EPYC: variants seen among roughly 807,000 people sequenced by gnomAD.
The protein encoded by EPYC is dermatan sulfate proteoglycan 3.
Under a neutral mutation model 30.1 loss-of-function variants are expected in EPYC, and 28 were observed. The observed-to-expected ratio is 0.93, with a 90% CI of 0.69 to 1.28. EPYC has a LOEUF of 1.28. Ranked by LOEUF, EPYC falls within the 50% of genes most tolerant of loss-of-function variation. EPYC has a pLI of 0.00. For synonymous variants in EPYC, 144 were observed against 141.4 expected (o/e 1.02, Z -0.13); for missense variants, 382 against 383.5 (o/e 1.00, Z 0.03).
chr12:90,995,010 T>G (rs1478070092), intron 2 of EPYC, among the ~76,000 whole-genome samples: 1 of 152,086 alleles, frequency 6.6e-6, no homozygotes, highest in East Asian at 1.9e-4. Flanking sequence ...TTGGCCTGAG[T>G]TACTAAAGAT....
chr12:90,992,175 G>A (rs1171863904), intron 2 of EPYC, among the ~76,000 whole-genome samples: 1 of 152,152 alleles, frequency 6.6e-6, no homozygotes, highest in Non-Finnish European at 1.5e-5. Context: ...TCCCCTGAAT[G>A]CACAGTTCAC....
chr12:90,979,218 A>T (rs1246783631), intron 2 of EPYC, among the ~76,000 whole-genome samples: 1 of 152,028 alleles, frequency 6.6e-6, no homozygotes, highest in African/African-American at 2.4e-5. Flanking sequence ...TTGGGCTGAA[A>T]ATTTGCTCCA....
At chr12:90,964,352 A>G (rs759849284) in intron 6 of EPYC, 26 bp from the exon 7 acceptor site, 5 of 1,526,290 alleles carry the variant, frequency 3.3e-6, no homozygotes, top group East Asian at 2.3e-5. Flanking sequence ...ATAAATTATG[A>G]CAAGATATAA....
intron 1 of EPYC, 72 bp from the exon 2 acceptor site, chr12:91,002,650 G>T: frequency 2.5e-6 from 3 of 1,192,792 alleles, no homozygotes; most frequent in South Asian, 3.0e-5. Context: ...AAATAGAAAT[G>T]ATAAATTAGT....
chr12:90,986,489 G>T (rs750471234), intron 2 of EPYC, among the ~76,000 whole-genome samples: 1 of 151,994 alleles, frequency 6.6e-6, no homozygotes, highest in South Asian at 2.1e-4. Context: ...TATACTCTGC[G>T]CTCTCAAATA....
At chr12:91,002,263 A>T in intron 2 of EPYC, 138 bp downstream of exon 2, 2 of 585,608 alleles carry the variant, frequency 3.4e-6, no homozygotes, top group East Asian at 3.5e-5. Flanking sequence ...CATGTTTTGG[A>T]GAAAAGGTTA....
intron 1 of EPYC, among the ~76,000 whole-genome samples, chr12:91,003,832 A>T (rs1004164577): frequency 6.6e-6 from 1 of 152,132 alleles, no homozygotes; most frequent in African/African-American, 2.4e-5. Context: ...ATGCACTGGC[A>T]GACAAAATGA....
chr12:91,002,679 A>C, intron 1 of EPYC, 101 bp from the exon 2 acceptor site: 7 of 886,160 alleles, frequency 7.9e-6, no homozygotes, highest in South Asian at 1.8e-5. Flanking sequence ...CAAAGAACTC[A>C]AGCTGGTAGC....
chr12:90,997,757 G>C (rs1257092329), intron 2 of EPYC, among the ~76,000 whole-genome samples: 1 of 152,030 alleles, frequency 6.6e-6, no homozygotes, highest in Non-Finnish European at 1.5e-5. Context: ...GTAGTCTTAT[G>C]CCATTCTTTC....
At chr12:91,003,991 T>G in intron 1 of EPYC, among the ~76,000 whole-genome samples, 1 of 152,080 alleles carries the variant, frequency 6.6e-6, no homozygotes, top group Non-Finnish European at 1.5e-5. Context: ...CAGGATAAAC[T>G]AAGCCTCTAT....
At position 91,004,947 on chromosome 12, in the gene EPYC, C is replaced by T. The variant is rs1877918636; in HGVS notation, c.-14G>A. 6.6e-6 allele frequency: 1 copy of T among 151,926 alleles called. No homozygotes were observed. The highest frequency in any genetic ancestry group is 2.4e-5 in the African/African-American group (1 of 41,394). The allele number at this position is 151,926 out of a possible 1,614,324, so 9.4% of individuals were successfully genotyped here. Reference sequence around the variant, plus strand: ...GAAGAAAGCAAGTATAAAAACTTACCTTTGGCTCTGACCTGATGAAATGGC... The same window carrying T: ...GAAGAAAGCAAGTATAAAAACTTACTTTTGGCTCTGACCTGATGAAATGGC... On this transcript the variant is annotated splice_region_variant and 5_prime_UTR_variant, in exon 1 of 7. Transcript: ENST00000261172.
intron 2 of EPYC, among the ~76,000 whole-genome samples, chr12:90,985,970 G>C (rs949494133): frequency 1.3e-5 from 2 of 152,118 alleles, no homozygotes; most frequent in African/African-American, 2.4e-5. Context: ...AGGAATCCTG[G>C]GACAGCCTGT....
chr12:90,994,546 G>A (rs1241789945), intron 2 of EPYC, among the ~76,000 whole-genome samples: 1 of 152,114 alleles, frequency 6.6e-6, no homozygotes, highest in Non-Finnish European at 1.5e-5. Flanking sequence ...GTCTCCCAAT[G>A]AGGAGGAAAT....
chr12:90,981,109 G>C (rs561377856), intron 2 of EPYC, among the ~76,000 whole-genome samples: 171 of 152,234 alleles, frequency 1.1e-3, no homozygotes, highest in Non-Finnish European at 1.9e-3. Flanking sequence ...CCATGAAACA[G>C]TATATCTATT....
At chr12:90,999,580 C>T (rs1026129161) in intron 2 of EPYC, among the ~76,000 whole-genome samples, 6 of 151,862 alleles carry the variant, frequency 4.0e-5, no homozygotes, top group African/African-American at 1.2e-4. Context: ...ATATTGGTTA[C>T]GTTAGTAGTA....
intron 3 of EPYC, among the ~76,000 whole-genome samples, chr12:90,973,889 G>A (rs893487875): frequency 1.3e-5 from 2 of 152,114 alleles, no homozygotes; most frequent in African/African-American, 4.8e-5. Flanking sequence ...TGTAATGGAA[G>A]ACTGAAGCAG....
chr12:90,980,217 A>G (rs1431702699), intron 2 of EPYC, among the ~76,000 whole-genome samples: 1 of 152,194 alleles, frequency 6.6e-6, no homozygotes, highest in Non-Finnish European at 1.5e-5. Flanking sequence ...TCTTAGCTTT[A>G]TAAGAAAAAT....
rs1877055575 is a variant in EPYC at position 90,971,800 on chromosome 12, T to G, written c.702A>C (p.Lys234Asn). ...GRKGIKQEAF[K>N]DMYDLHHLYL... ...TCTGCATATCAAACTTAAAACTTACTTTAAATGCTTCTTGCTTTATCCCTT... is the reference window on the plus strand; with the variant it reads ...TCTGCATATCAAACTTAAAACTTACGTTAAATGCTTCTTGCTTTATCCCTT... The change falls in exon 5 of 7, where the codon AAA (lysine) becomes AAC (asparagine). Residue 234 changes from lysine (K) to asparagine (N), a missense_variant and splice_region_variant. Coordinates refer to ENST00000261172, the MANE Select transcript of EPYC (RefSeq NM_004950.5). 7 of 1,573,450 alleles carry G rather than the reference T, an allele frequency of 4.4e-6. No individual in the cohort carries two copies. The highest frequency in any genetic ancestry group is 6.0e-6 in the Non-Finnish European group (7 of 1,161,834).
intron 2 of EPYC, among the ~76,000 whole-genome samples, chr12:90,999,151 T>G: frequency 6.6e-6 from 1 of 152,058 alleles, no homozygotes. Context: ...CTGTGCCATA[T>G]AGTATAGCCC....
Sources: gnomAD v4.1 joint callset for allele counts (sites outside exome capture counted in the v4.1 genomes callset) on GRCh38, gnomAD v4.1.1 for gene constraint, MANE v1.5 for transcripts, NCBI Gene and HGNC (gene_info 2026-07-23, HGNC 2026-07-21) for gene names.